Variants in MEIOSIN observed in about 807,000 individuals in gnomAD.
The protein encoded by MEIOSIN is meiosis initiator, also known as meiosis initiator protein.
Under a neutral mutation model 23.4 loss-of-function variants are expected in MEIOSIN, and 18 were observed. That is an observed-to-expected ratio of 0.77 (90% CI 0.53 to 1.14). The LOEUF (loss-of-function observed/expected upper bound fraction) is 1.14. MEIOSIN is among the 50% of genes most tolerant of loss of function. The pLI is 0.00. For missense variants in MEIOSIN, 428 were observed against 242.9 expected, an observed-to-expected ratio of 1.76 and a Z score of -5.07; for synonymous variants, 187 against 100.6, an observed-to-expected ratio of 1.86 and a Z score of -5.14.
intron 3 of MEIOSIN, 92 bp downstream of exon 3, chr19:45,739,822 A>G: frequency 1.4e-6 from 1 of 690,620 alleles, no homozygotes; most frequent in Non-Finnish European, 2.6e-6. Context: ...TCATTCTGAC[A>G]AATGACTGTA....
chr19:45,750,495 C>T (rs113794073), intron 4 of MEIOSIN, among the ~76,000 whole-genome samples, 180 bp from the exon 5 acceptor site: 2,987 of 151,784 alleles, frequency 0.02, 96 homozygotes, highest in African/African-American at 0.069. Flanking sequence ...AAGTAGCTGG[C>T]ATTACAGGCA....
chr19:45,737,121 G>A (rs905676039), intron 2 of MEIOSIN, among the ~76,000 whole-genome samples: 15 of 150,792 alleles, frequency 9.9e-5, no homozygotes, highest in South Asian at 6.3e-4. Flanking sequence ...CACCCGCCTC[G>A]GCCTCCCAAA....
intron 3 of MEIOSIN, among the ~76,000 whole-genome samples, chr19:45,743,458 C>G (rs1474121394): frequency 6.6e-6 from 1 of 152,114 alleles, no homozygotes; most frequent in South Asian, 2.1e-4. Context: ...AAGGATAGAA[C>G]CCCAACACCC....
intron 2 of MEIOSIN, among the ~76,000 whole-genome samples, chr19:45,738,209 T>C (rs1377851125): frequency 6.6e-6 from 1 of 152,206 alleles, no homozygotes; most frequent in Non-Finnish European, 1.5e-5. Flanking sequence ...CCAAAGTTCA[T>C]ATTAACCCCT....
intron 9 of MEIOSIN, 27 bp from the exon 10 acceptor site, chr19:45,758,851 C>T (rs1370308631): frequency 1.4e-6 from 1 of 702,076 alleles, no homozygotes; most frequent in Middle Eastern, 2.3e-4. Context: ...TCTGGCCACA[C>T]CCCTGAGTCT....
At position 45,756,016 on chromosome 19, in the gene MEIOSIN, G is replaced by T; in HGVS notation, c.849G>T (p.Ala283=). ...GSVQDDAPFP[A]LLAQEDVARI... is the part of the protein sequence containing the mutation. The stretch of plus-strand genomic sequence containing the variant: ...TCCAGGATGACGCACCTTTCCCTGC[G>T]CTCCTGGCTCAGGAAGATGTGGCGA... The change falls in exon 8 of 15, where the codon GCG becomes GCT. Residue 283 remains alanine, a synonymous_variant. Transcript: ENST00000457052. 1 of 702,836 alleles carries T rather than the reference G, an allele frequency of 1.4e-6. No homozygotes were observed. The highest frequency in any genetic ancestry group is 2.0e-5 in the Admixed American group (1 of 50,010). The allele number at this position is 702,836 out of a possible 1,614,324, so 43.5% of individuals were successfully genotyped here. A position where few individuals can be genotyped will look rare whatever the true frequency, so the allele number is the denominator to read the frequency against.
chr19:45,740,041 G>A (rs1968475591), intron 3 of MEIOSIN, among the ~76,000 whole-genome samples: 1 of 152,040 alleles, frequency 6.6e-6, no homozygotes, highest in Non-Finnish European at 1.5e-5. Flanking sequence ...TAGAAACAGG[G>A]TTTCACCATG....
chr19:45,736,953 C>G (rs1307284699), intron 2 of MEIOSIN, among the ~76,000 whole-genome samples: 2 of 151,018 alleles, frequency 1.3e-5, no homozygotes, highest in Non-Finnish European at 3.0e-5. Context: ...TCTGCAACCT[C>G]CGCCTCCCGG....
intron 2 of MEIOSIN, among the ~76,000 whole-genome samples, chr19:45,736,443 A>C (rs544609336): frequency 1.1e-3 from 162 of 151,660 alleles, no homozygotes; most frequent in African/African-American, 3.8e-3. Flanking sequence ...GTTCACTGCA[A>C]CCTCTGCCTC....
chr19:45,755,861 G>C (rs1255848128), intron 7 of MEIOSIN, 109 bp from the exon 8 acceptor site: 1 of 627,242 alleles, frequency 1.6e-6, no homozygotes, highest in African/African-American at 1.8e-5. Flanking sequence ...GCTAGGATTG[G>C]GGAGTGAGAG....
chr19:45,762,007 C>T lies in MEIOSIN; in HGVS notation c.1503C>T (p.Pro501=), dbSNP rs1968954765. The change falls in exon 13 of 15, where the codon CCC becomes CCT. Residue 501 remains proline (P), a synonymous_variant. Coordinates refer to ENST00000457052, the MANE Select transcript of MEIOSIN (RefSeq NM_001310124.2). ...SEEDEDTTWT[P]TRLASPLLAA... Reference sequence around the variant, plus strand: ...AGGACGAAGACACCACATGGACCCCCACCCGGCTGGCCTCACCCCTGCTGG... The same window carrying T: ...AGGACGAAGACACCACATGGACCCCTACCCGGCTGGCCTCACCCCTGCTGG... 1 of 512,106 alleles carries T rather than the reference C, an allele frequency of 2.0e-6. No homozygotes were observed. The highest frequency in any genetic ancestry group is 1.9e-5 in the African/African-American group (1 of 51,506). 31.7% of individuals were successfully genotyped at this position (512,106 alleles called of 1,614,324 possible). A position where few individuals can be genotyped will look rare whatever the true frequency, so the allele number is the denominator to read the frequency against.
At chr19:45,762,464 A>G (rs1968966545) in intron 13 of MEIOSIN, among the ~76,000 whole-genome samples, 4 of 152,190 alleles carry the variant, frequency 2.6e-5, no homozygotes, top group South Asian at 2.1e-4. Flanking sequence ...GTCTCACTCT[A>G]TTGCCCAGGC....
chr19:45,763,769 GC>G (rs1179936083), intron 14 of MEIOSIN, among the ~76,000 whole-genome samples: 1 of 152,174 alleles, frequency 6.6e-6, no homozygotes, highest in Admixed American at 6.5e-5. Flanking sequence ...GCTGCCACCT[GC>G]CCTGGCTCCT....
chr19:45,737,140 A>G (rs1365590277), intron 2 of MEIOSIN, among the ~76,000 whole-genome samples: 1 of 150,226 alleles, frequency 6.7e-6, no homozygotes, highest in Admixed American at 6.6e-5. Flanking sequence ...AAGTGCTAGG[A>G]TTACAGGTGT....
At chr19:45,741,359 A>AT (rs1491451160) in intron 3 of MEIOSIN, among the ~76,000 whole-genome samples, 4 of 152,094 alleles carry the variant, frequency 2.6e-5, no homozygotes, top group African/African-American at 9.7e-5. Flanking sequence ...GAAAAAAAAA[A>AT]GAAAAATATT....
chr19:45,762,434 G>A (rs1469119651), intron 13 of MEIOSIN, among the ~76,000 whole-genome samples: 1 of 152,016 alleles, frequency 6.6e-6, no homozygotes, highest in Non-Finnish European at 1.5e-5. Context: ...TTTTTGTTTT[G>A]TTTTGTTTTT....
At chr19:45,756,497 C>T (rs189471663) in intron 8 of MEIOSIN, among the ~76,000 whole-genome samples, 1 of 152,266 alleles carries the variant, frequency 6.6e-6, no homozygotes, top group Admixed American at 6.5e-5. Flanking sequence ...AGGTCACTGC[C>T]GCCTCAACCT....
chr19:45,744,833 G>A (rs531326122), intron 3 of MEIOSIN, among the ~76,000 whole-genome samples: 1 of 152,304 alleles, frequency 6.6e-6, no homozygotes, highest in East Asian at 1.9e-4. Context: ...TTTGAAGCAA[G>A]AGAGTGACGT....
At chr19:45,757,301 C>G (rs1191139235) in intron 9 of MEIOSIN, 24 bp downstream of exon 9, 1 of 700,052 alleles carries the variant, frequency 1.4e-6, no homozygotes, top group South Asian at 1.5e-5. Context: ...TGTCTCTCCT[C>G]CTTGTAGGCT....
Sources: gnomAD v4.1 joint callset for allele counts (sites outside exome capture counted in the v4.1 genomes callset) on GRCh38, gnomAD v4.1.1 for gene constraint, MANE v1.5 for transcripts, NCBI Gene and HGNC (gene_info 2026-07-23, HGNC 2026-07-21) for gene names.